SH3RF3: variants seen among roughly 807,000 people sequenced by gnomAD.
SH3RF3 encodes the protein SH3 domain containing ring finger 3, also known as E3 ubiquitin-protein ligase SH3RF3.
Under a neutral mutation model 66.3 loss-of-function variants are expected in SH3RF3, and 29 were observed. The ratio of observed to expected loss-of-function variants is 0.44; its 90% CI spans 0.33 to 0.60. The LOEUF is 0.60. SH3RF3 is among the 20% of genes least tolerant of loss of function. SH3RF3 has a pLI of 0.04. For missense variants in SH3RF3, 1,194 were observed against 1,190.9 expected, an observed-to-expected ratio of 1.00 and a Z score of -0.04; for synonymous variants, 583 against 532.0, an observed-to-expected ratio of 1.10 and a Z score of -1.32.
chr2:109,196,298 C>T (rs1171585788), intron 1 of SH3RF3, among the ~76,000 whole-genome samples: 4 of 152,174 alleles, frequency 2.6e-5, no homozygotes, highest in Non-Finnish European at 4.4e-5. Context: ...GGCCAGCAGC[C>T]CTGGATTGGT....
In SH3RF3 at chr2:109,481,718, C is replaced by T. The variant is rs373504200; in HGVS notation, c.2149-8887C>T. Among the ~76,000 whole-genome samples, 111 of 152,266 alleles carry T rather than the reference C, an allele frequency of 7.3e-4. 1 individual carries two copies. In the South Asian group the frequency reaches 0.011, roughly 15 times the overall value. On this transcript the variant is annotated intron_variant, in intron 8 of 9. Transcript: ENST00000309415. ...CAAAACAGTTGCCACTTACAGAGAG[C>T]ACACTAAGTGCAGACGCTGTGCTGT...
chr2:109,134,608 G>A (rs1676776691), intron 1 of SH3RF3, among the ~76,000 whole-genome samples: 1 of 152,214 alleles, frequency 6.6e-6, no homozygotes, highest in African/African-American at 2.4e-5. Flanking sequence ...GAGGTTGCTA[G>A]TTACACAGGT....
chr2:109,239,395 TGAATAA>T (rs1277636576), intron 1 of SH3RF3, among the ~76,000 whole-genome samples: 1 of 152,220 alleles, frequency 6.6e-6, no homozygotes, highest in Non-Finnish European at 1.5e-5. Flanking sequence ...AAAAATGAAC[TGAATAA>T]GAATAAGGAT....
At chr2:109,250,804 T>G (rs1399201018) in intron 1 of SH3RF3, among the ~76,000 whole-genome samples, 1 of 152,026 alleles carries the variant, frequency 6.6e-6, no homozygotes, top group Non-Finnish European at 1.5e-5. Context: ...GAATTAGGAT[T>G]TTCAGAATTT....
At chr2:109,328,300 T>G (rs114517121) in intron 1 of SH3RF3, among the ~76,000 whole-genome samples, 134 of 152,346 alleles carry the variant, frequency 8.8e-4, no homozygotes, top group Middle Eastern at 3.4e-3. Context: ...TCTTACTTCT[T>G]TCTATTTCTG....
chr2:109,185,684 GC>G (rs1678169982), intron 1 of SH3RF3, among the ~76,000 whole-genome samples: 2 of 152,194 alleles, frequency 1.3e-5, no homozygotes, highest in Non-Finnish European at 2.9e-5. Context: ...TAGGCACATG[GC>G]TCTTGGTGGA....
intron 8 of SH3RF3, among the ~76,000 whole-genome samples, chr2:109,460,432 G>A (rs1329193469): frequency 2.0e-5 from 3 of 152,150 alleles, no homozygotes; most frequent in Non-Finnish European, 2.9e-5. Context: ...AGTGGTAGTC[G>A]TAGCCAGGTT....
chr2:109,260,759 G>A (rs1038421333), intron 1 of SH3RF3, among the ~76,000 whole-genome samples: 1 of 152,158 alleles, frequency 6.6e-6, no homozygotes, highest in East Asian at 1.9e-4. Flanking sequence ...CAGAAGGCAC[G>A]GAAACTTCAG....
At chr2:109,477,970 C>T (rs551927071) in intron 8 of SH3RF3, among the ~76,000 whole-genome samples, 42 of 152,286 alleles carry the variant, frequency 2.8e-4, no homozygotes, top group Middle Eastern at 3.4e-3. Context: ...GGAGGGTTCC[C>T]GCAAGGGCCT....
chr2:109,220,101 A>C (rs1679197041), intron 1 of SH3RF3, among the ~76,000 whole-genome samples: 1 of 152,254 alleles, frequency 6.6e-6, no homozygotes, highest in African/African-American at 2.4e-5. Flanking sequence ...AATACAACAG[A>C]GATCCCAGAA....
chr2:109,147,266 A>C (rs1229890944), intron 1 of SH3RF3, among the ~76,000 whole-genome samples: 1 of 152,102 alleles, frequency 6.6e-6, no homozygotes, highest in Non-Finnish European at 1.5e-5. Context: ...AGATGTAAAT[A>C]TGGGGGTGTG....
chr2:109,174,199 T>G (rs1333834157), intron 1 of SH3RF3, among the ~76,000 whole-genome samples: 1 of 152,250 alleles, frequency 6.6e-6, no homozygotes, highest in East Asian at 1.9e-4. Context: ...TGGATGTCCC[T>G]GGCCATTTTA....
chr2:109,339,408 T>A (rs1453393238), intron 1 of SH3RF3, among the ~76,000 whole-genome samples: 7 of 152,180 alleles, frequency 4.6e-5, no homozygotes, highest in Non-Finnish European at 2.9e-5. Flanking sequence ...CCTCCTTCTC[T>A]TCCCTCCTGT....
At position 109,503,541 on chromosome 2, in the gene SH3RF3, G is replaced by C. The variant is rs1377662334; in HGVS notation, c.*1870G>C. On this transcript the variant is annotated 3_prime_UTR_variant, in exon 10 of 10. Transcript: ENST00000309415. ...TAAACATAGTAACTTCTGTGTGCCA[G>C]GTTAATGACAACCAAAAGCTCTCTA... 1 of 152,132 alleles carries C rather than the reference G, an allele frequency of 6.6e-6. No individual in the cohort carries two copies. Among genetic ancestry groups the C allele is most frequent in the Non-Finnish European group, 1.5e-5 (1 of 68,028 alleles). The allele number at this position is 152,132 out of a possible 1,614,324, so 9.4% of individuals were successfully genotyped here.
chr2:109,326,223 C>A (rs1371117751), intron 1 of SH3RF3, among the ~76,000 whole-genome samples: 1 of 152,162 alleles, frequency 6.6e-6, no homozygotes, highest in African/African-American at 2.4e-5. Flanking sequence ...TTCTTCCACC[C>A]AACAAGGAAT....
Position 109,432,562 on chromosome 2 carries a change from G to C in SH3RF3, c.1465G>C (p.Glu489Gln). Residue 489 changes from glutamate to glutamine, a missense_variant, in exon 6 of 10, where the codon GAG becomes CAG. Physicochemically the swap from Glu to Gln is conservative, Grantham distance 29. Coordinates refer to ENST00000309415, the MANE Select transcript of SH3RF3 (RefSeq NM_001099289.3). The part of the protein sequence containing the change: ...KSDELELHKG[E>Q]MYRVLEKCQD... Reference sequence around the variant, plus strand: ...TGACGAGCTGGAGCTGCACAAGGGAGAGATGTACCGGGTCCTCGAGAAGTG... The same window carrying C: ...TGACGAGCTGGAGCTGCACAAGGGACAGATGTACCGGGTCCTCGAGAAGTG... 6.2e-7 allele frequency: 1 copy of C among 1,613,728 alleles called. No individual in the cohort carries two copies. Among genetic ancestry groups the C allele is most frequent in the Non-Finnish European group, 8.5e-7 (1 of 1,179,810 alleles).
intron 1 of SH3RF3, among the ~76,000 whole-genome samples, chr2:109,261,203 T>C (rs1574536031): frequency 6.6e-6 from 1 of 152,050 alleles, no homozygotes; most frequent in Non-Finnish European, 1.5e-5. Context: ...GGGCCCTTTG[T>C]AGTTGCATAG....
intron 1 of SH3RF3, among the ~76,000 whole-genome samples, chr2:109,209,989 C>G (rs1018137797): frequency 6.6e-6 from 1 of 152,242 alleles, no homozygotes; most frequent in African/African-American, 2.4e-5. Context: ...CTCAGCCCCC[C>G]CAGTAACCTC....
chr2:109,340,271 G>A (rs1011388531), intron 1 of SH3RF3, among the ~76,000 whole-genome samples: 3 of 152,092 alleles, frequency 2.0e-5, no homozygotes, highest in Non-Finnish European at 4.4e-5. Context: ...ATAATATAAG[G>A]CCAAGCTCAC....
Sources: allele counts gnomAD v4.1 joint callset (sites outside exome capture counted in the v4.1 genomes callset), GRCh38; gene constraint gnomAD v4.1.1; transcripts MANE v1.5; gene names NCBI Gene and HGNC (gene_info 2026-07-23, HGNC 2026-07-21).